SYTL5: variants seen among roughly 807,000 people sequenced by gnomAD.
SYTL5 encodes synaptotagmin-like protein 5.
A neutral mutation model predicts 55.9 loss-of-function variants in SYTL5; 34 were observed. The observed-to-expected ratio is 0.61, with a 90% confidence interval of 0.46 to 0.81. The LOEUF (loss-of-function observed/expected upper bound fraction) is 0.81, where lower values mean the gene tolerates loss of function less well. SYTL5 is among the 30% of genes least tolerant of loss of function. The pLI is 0.00. For missense variants in SYTL5, 637 were observed against 546.7 expected, an observed-to-expected ratio of 1.17 and a Z score of -1.65; for synonymous variants, 221 against 188.7, an observed-to-expected ratio of 1.17 and a Z score of -1.40.
In SYTL5 at chrX:38,076,650, A is replaced by T. The variant is rs774058182; in HGVS notation, c.638A>T (p.Asp213Val). ...KTDTGRSYSL[D>V]LDGQHFRSLK... is the part of the protein sequence containing the mutation. ...GACACTGGGCGGAGCTATAGCTTGGACTTAGACGGTCAACATTTTCGGAGT... is the reference window on the plus strand; with the variant it reads ...GACACTGGGCGGAGCTATAGCTTGGTCTTAGACGGTCAACATTTTCGGAGT... Residue 213 changes from aspartate to valine, a missense_variant, in exon 6 of 17, where the codon GAC becomes GTC. Coordinates refer to ENST00000297875, the MANE Select transcript of SYTL5 (RefSeq NM_138780.3). 1 of 1,209,025 alleles carries T rather than the reference A, an allele frequency of 8.3e-7. No individual in the cohort carries two copies. The highest frequency in any genetic ancestry group is 1.1e-6 in the Non-Finnish European group (1 of 894,533).
chrX:37,965,877 A>G, the SYTL5 span, among the ~76,000 whole-genome samples: 2 of 112,457 alleles, frequency 1.8e-5, no homozygotes, highest in African/African-American at 6.4e-5. Flanking sequence ...CTCTTGTGAC[A>G]GTTTATGACT....
the SYTL5 span, among the ~76,000 whole-genome samples, chrX:37,955,968 T>C: frequency 8.9e-6 from 1 of 112,025 alleles, no homozygotes; most frequent in African/African-American, 3.2e-5. Context: ...CACACCCATA[T>C]ACAAACATCC....
chrX:38,033,325 G>A (rs1167746814), intron 1 of SYTL5, among the ~76,000 whole-genome samples: 1 of 111,685 alleles, frequency 9.0e-6, no homozygotes, highest in East Asian at 2.8e-4. Context: ...AATTTGCATA[G>A]AGAACCAGGA....
chrX:38,076,417 G>A, intron 5 of SYTL5, 150 bp from the exon 6 acceptor site: 2 of 443,511 alleles, frequency 4.5e-6, no homozygotes, highest in Non-Finnish European at 3.7e-6. Flanking sequence ...TATTGCAGAG[G>A]CACTGGGAAC....
chrX:38,042,659 C>T (rs746698833), intron 2 of SYTL5, among the ~76,000 whole-genome samples: 2 of 111,046 alleles, frequency 1.8e-5, no homozygotes, highest in Non-Finnish European at 3.8e-5. Context: ...GCACTCACAT[C>T]CCAAGAAACT....
chrX:38,104,390 C>T (rs989258203), intron 10 of SYTL5, among the ~76,000 whole-genome samples: 4 of 111,739 alleles, frequency 3.6e-5, no homozygotes, highest in Non-Finnish European at 5.6e-5. Flanking sequence ...AGGAGATAAG[C>T]GTTTTCAGTT....
chrX:37,916,025 T>C, the SYTL5 span, among the ~76,000 whole-genome samples: 1 of 111,553 alleles, frequency 9.0e-6, no homozygotes, highest in African/African-American at 3.3e-5. Flanking sequence ...CTACCATTTA[T>C]TGAGCACCTA....
chrX:37,990,730 G>A, the SYTL5 span: 29 of 1,060,109 alleles, frequency 2.7e-5, no homozygotes, highest in South Asian at 6.3e-4. Context: ...GACCAATAAG[G>A]GCCTGGAGCA....
the SYTL5 span, among the ~76,000 whole-genome samples, chrX:37,969,058 T>C: frequency 1.1e-3 from 119 of 112,053 alleles, no homozygotes; most frequent in Non-Finnish European, 1.7e-3. Context: ...CCCTGGCTTG[T>C]TCTTTTTAAA....
chrX:38,004,202 C>T (rs1933931289), upstream of SYTL5, among the ~76,000 whole-genome samples: 1 of 111,571 alleles, frequency 9.0e-6, no homozygotes, highest in Non-Finnish European at 1.9e-5. Flanking sequence ...GATGTGATCC[C>T]ATTTGTCACT....
rs373274465 is a variant in SYTL5 at position 38,073,736 on chromosome X, A to T, written c.554+38A>T. On this transcript the variant is annotated intron_variant, in intron 5 of 16. Coordinates refer to ENST00000297875, the MANE Select transcript of SYTL5 (RefSeq NM_138780.3). ...CTTTCTGAGGGAATTTTTGATCTTT[A>T]TTCCAGACACCTCTGAAATGAAGAC... 8 of 970,967 alleles carry T rather than the reference A, an allele frequency of 8.2e-6. No homozygotes were observed. In the African/African-American group the frequency reaches 1.4e-4, roughly 17 times the overall value. 80.0% of individuals were successfully genotyped at this position (970,967 alleles called of 1,213,427 possible).
chrX:37,991,230 G>C, the SYTL5 span: 17 of 1,175,769 alleles, frequency 1.4e-5, no homozygotes, highest in Non-Finnish European at 1.9e-5. Flanking sequence ...AACCTCACAG[G>C]CTTAGCCAGG....
the SYTL5 span, among the ~76,000 whole-genome samples, chrX:37,891,869 G>GGA: frequency 9.0e-6 from 1 of 111,596 alleles, no homozygotes. Context: ...ATAGATGTAT[G>GGA]GAAAAGCAAA....
chrX:38,043,296 A>G (rs1438131940), intron 2 of SYTL5, among the ~76,000 whole-genome samples: 1 of 110,157 alleles, frequency 9.1e-6, no homozygotes, highest in Non-Finnish European at 1.9e-5. Flanking sequence ...ATATAATATG[A>G]ACATTAAAGT....
chrX:37,995,841 G>A, the SYTL5 span, among the ~76,000 whole-genome samples: 4 of 112,064 alleles, frequency 3.6e-5, no homozygotes, highest in African/African-American at 1.3e-4. Context: ...TTATGGCTGT[G>A]GCTTATTGTA....
At chrX:38,017,338 G>T (rs893904720) in intron 1 of SYTL5, among the ~76,000 whole-genome samples, 1 of 112,050 alleles carries the variant, frequency 8.9e-6, no homozygotes, top group African/African-American at 3.2e-5. Context: ...TAGGCCAAAT[G>T]TATTGATATG....
chrX:38,102,986 A>G, intron 10 of SYTL5: 1 of 1,009,143 alleles, frequency 9.9e-7, no homozygotes, highest in Middle Eastern at 2.5e-4. Flanking sequence ...TGTTGCTCTG[A>G]TGCTTTTTTT....
intron 1 of SYTL5, among the ~76,000 whole-genome samples, chrX:38,018,849 A>G (rs1242739832): frequency 9.0e-6 from 1 of 111,465 alleles, no homozygotes; most frequent in African/African-American, 3.3e-5. Flanking sequence ...AACGTCCCAA[A>G]AGTGACTCTT....
the SYTL5 span, among the ~76,000 whole-genome samples, chrX:37,961,187 TC>T: frequency 9.0e-6 from 1 of 111,527 alleles, no homozygotes; most frequent in African/African-American, 3.3e-5. Context: ...TTGCCAATTT[TC>T]TACCTTAAGT....
Sources: gnomAD v4.1 joint callset for allele counts (sites outside exome capture counted in the v4.1 genomes callset) on GRCh38, gnomAD v4.1.1 for gene constraint, MANE v1.5 for transcripts, NCBI Gene and HGNC (gene_info 2026-07-23, HGNC 2026-07-21) for gene names.